The following DEPDC1 variants were observed in gnomAD, a reference collection of about 807,000 sequenced individuals.
DEPDC1 encodes DEP domain-containing protein 1A.
Under a neutral mutation model 86.8 loss-of-function variants are expected in DEPDC1, and 66 were observed. The ratio of observed to expected loss-of-function variants is 0.76; its 90% CI spans 0.62 to 0.93. DEPDC1 has a LOEUF of 0.93. DEPDC1 is among the 40% of genes least tolerant of loss of function. The probability of loss-of-function intolerance (pLI) is 0.00; values close to 1 mark genes in which losing one functional copy is unlikely to be tolerated. For missense variants in DEPDC1, 792 were observed against 935.7 expected (o/e 0.85, Z 2.00); for synonymous variants, 255 against 314.9 (o/e 0.81, Z 2.02).
At chr1:68,489,649 G>C in intron 2 of DEPDC1, 41 bp from the exon 3 acceptor site, 2 of 1,462,534 alleles carry the variant, frequency 1.4e-6, no homozygotes, top group African/African-American at 1.5e-5. Context: ...TGTGAGATTA[G>C]AAACAAACTT....
Position 68,496,494 on chromosome 1 carries a change from G to A in DEPDC1, c.48+458C>T, listed in dbSNP as rs1646266134. ...GTGCTATTCGGCCGATACATCCTGC[G>A]TTAAATTCTATGGGTTCAATAAACA... On this transcript the variant is annotated intron_variant, in intron 1 of 11. Coordinates refer to ENST00000456315, the MANE Select transcript of DEPDC1 (RefSeq NM_001114120.3). This position sits in a 1 kb window ranked among gnomAD's most constrained non-coding sequence, Gnocchi z 4.0. Among the ~76,000 whole-genome samples the A allele has an allele frequency of 6.6e-6, 1 of 152,210 alleles. No homozygotes were observed. Among genetic ancestry groups the A allele is most frequent in the Non-Finnish European group, 1.5e-5 (1 of 68,028 alleles).
rs748594175 is a variant in DEPDC1 at position 68,482,434 on chromosome 1, C to T, written c.1374G>A (p.Glu458=). ...ACAGGAATTCCTGTTTGGGCTTAGA[C>T]TCTAAAAACAGTTTATTATTTTGTC... The part of the protein sequence containing the change: ...IEGQNNKLFL[E]SKPKQEFLLN... Residue 458 remains glutamate (E), a synonymous_variant, in exon 8 of 12, where the codon GAG becomes GAA. Coordinates refer to ENST00000456315, the MANE Select transcript of DEPDC1 (RefSeq NM_001114120.3). 28 of 1,612,696 alleles carry T rather than the reference C, an allele frequency of 1.7e-5. No individual in the cohort carries two copies. The highest frequency in any genetic ancestry group is 4.4e-5 in the South Asian group (4 of 91,060).
chr1:68,486,946 G>A lies in DEPDC1; in HGVS notation c.760C>T (p.Leu254=). The change falls in exon 6 of 12, where the codon CTA becomes TTA. Residue 254 remains leucine (L), a synonymous_variant. Transcript: ENST00000456315. ...CATATATTTAACTTACAATTTGCTAGGCACTTCATGGCAGATAATACCCAG... is the reference window on the plus strand; with the variant it reads ...CATATATTTAACTTACAATTTGCTAAGCACTTCATGGCAGATAATACCCAG... The part of the protein sequence containing the change: ...PHWVLSAMKC[L]ANWPRSNDMN... The A allele has an allele frequency of 6.3e-7, 1 of 1,596,140 alleles. No homozygotes were observed. The highest frequency in any genetic ancestry group is 8.5e-7 in the Non-Finnish European group (1 of 1,172,520).
chr1:68,484,161 GTA>G, intron 6 of DEPDC1, 71 bp from the exon 7 acceptor site: 1 of 1,212,938 alleles, frequency 8.2e-7, no homozygotes, highest in Non-Finnish European at 1.1e-6. Context: ...AACATAAAAA[GTA>G]TAAAATCTGT....
At position 68,489,046 on chromosome 1, in the gene DEPDC1, A is replaced by T; in HGVS notation, c.472-12T>A. ...TTCTCGCCATTTTCCTGAAAAAAGG[A>T]TTATTTTGGTTTAATCTGTTATGCT... On this transcript the variant is annotated splice_polypyrimidine_tract_variant and intron_variant, in intron 3 of 11. Transcript: ENST00000456315. 1.9e-6 allele frequency: 3 copies of T among 1,556,238 alleles called. No individual in the cohort carries two copies. Among genetic ancestry groups the T allele is most frequent in the Non-Finnish European group, 2.7e-6 (3 of 1,130,332 alleles).
At chr1:68,494,804 C>G (rs1261920607) in intron 1 of DEPDC1, 109 bp from the exon 2 acceptor site, 3 of 876,170 alleles carry the variant, frequency 3.4e-6, no homozygotes, top group Non-Finnish European at 5.1e-6. Flanking sequence ...CTGATTATAT[C>G]ATAAAAATTC....
intron 3 of DEPDC1, 97 bp downstream of exon 3, chr1:68,489,355 G>T: frequency 3.4e-6 from 3 of 889,184 alleles, no homozygotes; most frequent in Non-Finnish European, 4.8e-6. Context: ...TTTCAGTTCT[G>T]GCTTTAAATA....
Position 68,496,674 on chromosome 1 carries a change from C to G in DEPDC1, c.48+278G>C. 5.2e-6 allele frequency: 2 copies of G among 386,264 alleles called. No individual in the cohort carries two copies. Among genetic ancestry groups the G allele is most frequent in the Non-Finnish European group, 9.3e-6 (2 of 215,952 alleles). 23.9% of individuals were successfully genotyped at this position (386,264 alleles called of 1,614,324 possible). On this transcript the variant is annotated intron_variant, in intron 1 of 11. Coordinates refer to ENST00000456315, the MANE Select transcript of DEPDC1 (RefSeq NM_001114120.3). This position sits in a 1 kb window ranked among gnomAD's most constrained non-coding sequence, Gnocchi z 4.0. ...ACGCCCCCACGGGACGCCGGCCACA[C>G]CAGGCACAGGAGTCGCTCCTCATAG...
chr1:68,478,169 T>C (rs568613951), intron 10 of DEPDC1, among the ~76,000 whole-genome samples, 197 bp from the exon 11 acceptor site: 1 of 152,092 alleles, frequency 6.6e-6, no homozygotes, highest in South Asian at 2.1e-4. Context: ...ACTTGGTTTG[T>C]AGCATTCAAC....
intron 7 of DEPDC1, 150 bp from the exon 8 acceptor site, chr1:68,483,047 C>T: frequency 1.3e-6 from 1 of 765,034 alleles, no homozygotes; most frequent in East Asian, 2.7e-5. Flanking sequence ...TCAGAAGCCA[C>T]TTAAATAGGA....
chr1:68,481,786 C>T, intron 8 of DEPDC1, 174 bp from the exon 9 acceptor site: 1 of 641,344 alleles, frequency 1.6e-6, no homozygotes, highest in East Asian at 2.9e-5. Flanking sequence ...ATTTTCTTTA[C>T]AACTTATTTC....
rs1339568422 is a variant in DEPDC1 at position 68,476,719 on chromosome 1, A to G, written c.*213T>C. 6 of 400,156 alleles carry G rather than the reference A, an allele frequency of 1.5e-5. No individual in the cohort carries two copies. The highest frequency in any genetic ancestry group is 2.7e-5 in the Non-Finnish European group (6 of 225,722). 24.8% of individuals were successfully genotyped at this position (400,156 alleles called of 1,614,324 possible). A position where few individuals can be genotyped will look rare whatever the true frequency, so the allele number is the denominator to read the frequency against. The stretch of plus-strand genomic sequence containing the variant: ...GATAGCTGTGTTAAAAACAAAAAGT[A>G]TTTGGTATCATCTATTGTTATGTGC... On this transcript the variant is annotated 3_prime_UTR_variant, in exon 12 of 12. Coordinates refer to ENST00000456315, the MANE Select transcript of DEPDC1 (RefSeq NM_001114120.3).
chr1:68,486,954 A>C lies in DEPDC1; in HGVS notation c.752T>G (p.Met251Arg). ...DDLPHWVLSA[M>R]KCLANWPRSN... is the part of the protein sequence containing the mutation. ...TAACTTACAATTTGCTAGGCACTTCATGGCAGATAATACCCAGTGAGGGAG... is the reference window on the plus strand; with the variant it reads ...TAACTTACAATTTGCTAGGCACTTCCTGGCAGATAATACCCAGTGAGGGAG... Residue 251 changes from methionine (M) to arginine (R), a missense_variant, in exon 6 of 12, where the codon ATG (methionine) becomes AGG (arginine). Physicochemically the swap from Met to Arg is moderately conservative, Grantham distance 91. Transcript: ENST00000456315. 6.2e-7 allele frequency: 1 copy of C among 1,602,708 alleles called. No homozygotes were observed. The highest frequency in any genetic ancestry group is 8.5e-7 in the Non-Finnish European group (1 of 1,175,282).
Position 68,496,992 on chromosome 1 carries a change from C to T in DEPDC1, c.8G>A (p.Ser3Asn). 2 of 1,613,484 alleles carry T rather than the reference C, an allele frequency of 1.2e-6. No homozygotes were observed. The highest frequency in any genetic ancestry group is 1.7e-6 in the Non-Finnish European group (2 of 1,179,590). The stretch of plus-strand genomic sequence containing the variant: ...ATAAGGCCCGGGAGGCACACCCTGA[C>T]TCTCCATAGGTCTGTCAGCGCCCGG... The part of the protein sequence containing the change: ME[S>N]QGVPPGPYRA... Residue 3 changes from serine to asparagine, a missense_variant, in exon 1 of 12, where the codon AGT becomes AAT. Transcript: ENST00000456315. This position sits in a 1 kb window ranked among gnomAD's most constrained non-coding sequence, Gnocchi z 4.0.
At chr1:68,490,362 C>G (rs1331683600) in intron 2 of DEPDC1, among the ~76,000 whole-genome samples, 1 of 147,670 alleles carries the variant, frequency 6.8e-6, no homozygotes, top group Non-Finnish European at 1.5e-5. Context: ...TAAGTGAGAG[C>G]ATGTGATATT....
rs1571195909 is a variant in DEPDC1 at position 68,481,469 on chromosome 1, G to C, written c.1906C>G (p.Leu636Val). The change falls in exon 9 of 12, where the codon CTT becomes GTT. Residue 636 changes from leucine (L) to valine (V), a missense_variant. Physicochemically the swap from Leu to Val is conservative, Grantham distance 32. Coordinates refer to ENST00000456315, the MANE Select transcript of DEPDC1 (RefSeq NM_001114120.3). Reference sequence around the variant, plus strand: ...GACCTCGTACCCATTGCATCATGAAGTTTGGGCATATCAACATTTTGACTC... The same window carrying C: ...GACCTCGTACCCATTGCATCATGAACTTTGGGCATATCAACATTTTGACTC... ...RMSQNVDMPK[L>V]HDAMGTRSLM... The C allele has an allele frequency of 6.2e-7, 1 of 1,612,398 alleles. No homozygotes were observed. Among genetic ancestry groups the C allele is most frequent in the East Asian group, 2.2e-5 (1 of 44,832 alleles).
chr1:68,494,454 A>C lies in DEPDC1; in HGVS notation c.290T>G (p.Val97Gly). 1 of 1,613,658 alleles carries C rather than the reference A, an allele frequency of 6.2e-7. No individual in the cohort carries two copies. The highest frequency in any genetic ancestry group is 8.5e-7 in the Non-Finnish European group (1 of 1,179,690). ...CCTGAAGAGCTGGTTGTTATCATCA[A>C]CATTTTCTGATCCCCACCTCCCTTT... Reference protein sequence around the residue: ...DIKGRWGSENVDDNNQLFRFP... With the variant: ...DIKGRWGSENGDDNNQLFRFP... Residue 97 changes from valine (V) to glycine (G), a missense_variant, in exon 2 of 12, where the codon GTT (valine) becomes GGT (glycine). By Grantham distance (109) the Val-to-Gly change is moderately radical. Transcript: ENST00000456315.
intron 10 of DEPDC1, among the ~76,000 whole-genome samples, chr1:68,478,704 A>G (rs144376869): frequency 7.2e-5 from 11 of 152,112 alleles, no homozygotes; most frequent in African/African-American, 2.2e-4. Flanking sequence ...CCTTTTGTGA[A>G]GAATAAATTC....
In DEPDC1 at chr1:68,478,809, G is replaced by C. The variant is rs577327957; in HGVS notation, c.2112+335C>G. Among the ~76,000 whole-genome samples, 4 of 152,090 alleles carry C rather than the reference G, an allele frequency of 2.6e-5. No individual in the cohort carries two copies. In the South Asian group the frequency reaches 8.3e-4, roughly 32 times the overall value. ...GCATATTTAACCTCAACTATGCTAAGAGTCTACATCCAGAGCTTTTAAATT... is the reference window on the plus strand; with the variant it reads ...GCATATTTAACCTCAACTATGCTAACAGTCTACATCCAGAGCTTTTAAATT... On this transcript the variant is annotated intron_variant, in intron 10 of 11. Transcript: ENST00000456315.
Sources: allele counts gnomAD v4.1 joint callset (sites outside exome capture counted in the v4.1 genomes callset), GRCh38; gene constraint gnomAD v4.1.1; non-coding constraint Gnocchi (gnomAD v3.1); transcripts MANE v1.5; gene names NCBI Gene and HGNC (gene_info 2026-07-23, HGNC 2026-07-21).